The following ASTN2 variants were observed in gnomAD, a reference collection of about 807,000 sequenced individuals.
The protein encoded by ASTN2 is astrotactin 2.
A neutral mutation model predicts 139.8 loss-of-function variants in ASTN2; 54 were observed. That is an observed-to-expected ratio of 0.39 (90% confidence interval 0.31 to 0.48). The LOEUF (loss-of-function observed/expected upper bound fraction) is 0.48. ASTN2 is among the 20% of genes least tolerant of loss of function. The pLI, the probability that ASTN2 is intolerant of heterozygous loss-of-function variation, is 0.95. For missense variants in ASTN2, 1,565 were observed against 1,725.1 expected (o/e 0.91, Z 1.64); for synonymous variants, 756 against 719.5 (o/e 1.05, Z -0.81).
At chr9:117,213,567 G>A (rs561558617) in intron 3 of ASTN2, among the ~76,000 whole-genome samples, 21 of 152,012 alleles carry the variant, frequency 1.4e-4, no homozygotes, top group Admixed American at 9.2e-4. Context: ...AAATATGTAC[G>A]AACATTATTT....
intron 2 of ASTN2, among the ~76,000 whole-genome samples, chr9:117,217,203 A>T (rs1832351781): frequency 6.6e-6 from 1 of 152,192 alleles, no homozygotes; most frequent in Non-Finnish European, 1.5e-5. Flanking sequence ...CCAGATGTGC[A>T]ATGGGTGCAT....
chr9:117,394,512 A>ATT (rs1370553179), intron 1 of ASTN2, among the ~76,000 whole-genome samples: 1 of 152,158 alleles, frequency 6.6e-6, no homozygotes, highest in African/African-American at 2.4e-5. Context: ...AAAGATAAAT[A>ATT]AAGTGTCCTG....
intron 7 of ASTN2, among the ~76,000 whole-genome samples, chr9:117,002,760 C>G (rs996509640): frequency 6.6e-6 from 1 of 152,152 alleles, no homozygotes; most frequent in Non-Finnish European, 1.5e-5. Context: ...AAAAGTGAAA[C>G]AGACATCTTG....
chr9:116,878,482 T>C (rs1344468851), intron 10 of ASTN2, among the ~76,000 whole-genome samples: 1 of 152,036 alleles, frequency 6.6e-6, no homozygotes, highest in Non-Finnish European at 1.5e-5. Flanking sequence ...TTCTCACTTA[T>C]AAATGGGAGC....
Position 117,196,987 on chromosome 9 carries a change from CTG to C in ASTN2, c.1015+17369_1015+17370del, listed in dbSNP as rs1436927557. The C allele has an allele frequency of 1.4e-4, 21 of 152,234 alleles. No individual in the cohort carries two copies. In the East Asian group the frequency reaches 4.1e-3, roughly 29 times the overall value. The allele number at this position is 152,234 out of a possible 1,614,324, so 9.4% of individuals were successfully genotyped here. On this transcript the variant is annotated intron_variant, in intron 3 of 22. Coordinates refer to ENST00000313400, the MANE Select transcript of ASTN2 (RefSeq NM_001365068.1). ...TTTCAAATGCATGTGCCTTCTGATG[CTG>C]TGATTCTGATTTTTGGTACACATCT...
chr9:116,747,948 G>A (rs978591082), intron 13 of ASTN2, among the ~76,000 whole-genome samples: 2 of 152,018 alleles, frequency 1.3e-5, no homozygotes, highest in Non-Finnish European at 2.9e-5. Context: ...TGGCCACTTC[G>A]CCCTCCATCT....
chr9:117,323,658 T>G (rs1301433614), intron 1 of ASTN2, among the ~76,000 whole-genome samples: 1 of 152,206 alleles, frequency 6.6e-6, no homozygotes, highest in Admixed American at 6.5e-5. Flanking sequence ...AAACCTTCAG[T>G]ATTATAACTC....
At chr9:116,520,924 T>A (rs1433696900) in intron 19 of ASTN2, among the ~76,000 whole-genome samples, 2 of 151,682 alleles carry the variant, frequency 1.3e-5, no homozygotes, top group Non-Finnish European at 2.9e-5. Context: ...AATAAATACA[T>A]AAAATATTTA....
chr9:117,401,616 G>A (rs1461095204), intron 1 of ASTN2, among the ~76,000 whole-genome samples: 5 of 151,260 alleles, frequency 3.3e-5, no homozygotes, highest in East Asian at 3.9e-4. Flanking sequence ...GTTGGCAAAC[G>A]TTTTCTGTAA....
At chr9:116,964,680 G>A (rs757064457) in intron 10 of ASTN2, among the ~76,000 whole-genome samples, 40 of 152,192 alleles carry the variant, frequency 2.6e-4, no homozygotes, top group Non-Finnish European at 5.4e-4. Context: ...AGGGCCCTAT[G>A]ATGTGGGTAG....
intron 19 of ASTN2, among the ~76,000 whole-genome samples, chr9:116,538,150 A>G (rs1212314791): frequency 6.6e-6 from 1 of 152,102 alleles, no homozygotes; most frequent in African/African-American, 2.4e-5. Context: ...TATGGTCCCC[A>G]TTCCTGGATT....
At chr9:116,632,190 G>GAGAGAGAGAGAGAGAGAGAGAGAA (rs1856802935) in intron 17 of ASTN2, among the ~76,000 whole-genome samples, 1 of 12,462 alleles carries the variant, frequency 8.0e-5, no homozygotes, top group Non-Finnish European at 1.6e-4. Flanking sequence ...GAGAGGGAGA[G>GAGAGAGAGAGAGAGAGAGAGAGAA]AGAGAGAAAG....
chr9:116,794,460 C>G (rs1288295325), intron 13 of ASTN2, among the ~76,000 whole-genome samples: 1 of 152,114 alleles, frequency 6.6e-6, no homozygotes, highest in Admixed American at 6.5e-5. Context: ...CAAAGCCATC[C>G]TGAGCCACAT....
chr9:116,966,705 T>TTA (rs1554765876), intron 10 of ASTN2, among the ~76,000 whole-genome samples: 8 of 142,582 alleles, frequency 5.6e-5, no homozygotes, highest in Non-Finnish European at 1.1e-4. Flanking sequence ...TCATTTTCTT[T>TTA]AAAAAAAAAA....
chr9:116,942,038 T>C (rs542988156), intron 10 of ASTN2, among the ~76,000 whole-genome samples: 1 of 150,282 alleles, frequency 6.7e-6, no homozygotes, highest in African/African-American at 2.4e-5. Flanking sequence ...TATAGAAATT[T>C]AAGAGGGAAA....
At chr9:116,812,980 AG>A (rs1831207832) in intron 12 of ASTN2, among the ~76,000 whole-genome samples, 1 of 152,132 alleles carries the variant, frequency 6.6e-6, no homozygotes, top group Admixed American at 6.5e-5. Flanking sequence ...CTAAGGGCAT[AG>A]GAAGGTTTAT....
At chr9:116,990,886 G>A (rs1385591005) in intron 7 of ASTN2, among the ~76,000 whole-genome samples, 1 of 152,122 alleles carries the variant, frequency 6.6e-6, no homozygotes, top group African/African-American at 2.4e-5. Flanking sequence ...TCTGGCCATT[G>A]GAGAGTGTGA....
At chr9:117,167,878 T>C (rs944637596) in intron 3 of ASTN2, among the ~76,000 whole-genome samples, 2 of 152,110 alleles carry the variant, frequency 1.3e-5, no homozygotes, top group African/African-American at 2.4e-5. Flanking sequence ...CAAGGTAACA[T>C]ATGGCTTGAC....
intron 10 of ASTN2, among the ~76,000 whole-genome samples, chr9:116,869,424 C>T (rs150459234): frequency 1.3e-5 from 2 of 152,244 alleles, no homozygotes; most frequent in Non-Finnish European, 1.5e-5. Context: ...ACACCTCAGT[C>T]CTTGATTCTT....
Sources: gnomAD v4.1 joint callset for allele counts (sites outside exome capture counted in the v4.1 genomes callset) on GRCh38, gnomAD v4.1.1 for gene constraint, MANE v1.5 for transcripts, NCBI Gene and HGNC (gene_info 2026-07-23, HGNC 2026-07-21) for gene names.